Variants in EML4 observed in about 807,000 individuals in gnomAD.
EML4 encodes the protein echinoderm microtubule-associated protein-like 4.
EML4 carries 72 observed loss-of-function variants against 129.0 expected under a neutral mutation model. The ratio of observed to expected loss-of-function variants is 0.56; its 90% CI spans 0.46 to 0.68. The LOEUF (loss-of-function observed/expected upper bound fraction) is 0.68. Among genes scored for constraint, EML4 ranks in the 30% least tolerant of loss-of-function variants. EML4 has a pLI of 0.00. For synonymous variants in EML4, 532 were observed against 405.0 expected, an observed-to-expected ratio of 1.31 and a Z score of -3.77; for missense variants, 1,363 against 1,190.6, an observed-to-expected ratio of 1.14 and a Z score of -2.13.
intron 1 of EML4, among the ~76,000 whole-genome samples, chr2:42,244,387 G>A (rs974148508): frequency 2.0e-5 from 3 of 152,074 alleles, no homozygotes; most frequent in African/African-American, 7.2e-5. Flanking sequence ...ATGAGCCACC[G>A]CGCCCAGCCA....
chr2:42,176,678 A>G (rs1572828879), intron 1 of EML4, among the ~76,000 whole-genome samples: 1 of 152,244 alleles, frequency 6.6e-6, no homozygotes, highest in East Asian at 1.9e-4. Context: ...TGATAGGACC[A>G]CTCTTGGGGT....
chr2:42,191,670 AT>A (rs1256314467), intron 1 of EML4, among the ~76,000 whole-genome samples: 1 of 152,168 alleles, frequency 6.6e-6, no homozygotes, highest in Non-Finnish European at 1.5e-5. Flanking sequence ...AAATTATTTA[AT>A]TTTATGCTCT....
intron 2 of EML4, among the ~76,000 whole-genome samples, chr2:42,254,319 C>T (rs1226553408): frequency 2.6e-5 from 4 of 151,750 alleles, no homozygotes; most frequent in South Asian, 2.1e-4. Context: ...TAGCCAGGCA[C>T]GGTGGTGTGC....
intron 6 of EML4, among the ~76,000 whole-genome samples, chr2:42,278,937 A>C (rs971899284): frequency 4.5e-5 from 1 of 22,134 alleles, no homozygotes; most frequent in Non-Finnish European, 8.4e-5. Context: ...ACTCTCTTGG[A>C]AAAAAAAAAA....
In EML4 at chr2:42,284,716, G is replaced by GTACTTC. The variant is rs749282525; in HGVS notation, c.1011+14_1011+15insACTTCT. On this transcript the variant is annotated intron_variant, in intron 9 of 22. Coordinates refer to ENST00000318522, the MANE Select transcript of EML4 (RefSeq NM_019063.5). ...TAAAGATGGAAGGGTGAGTGGCATAGTGTTATGCCTTCTGTACCTAGAGAC... is the reference window on the plus strand; with the variant it reads ...TAAAGATGGAAGGGTGAGTGGCATAGTACTTCTGTTATGCCTTCTGTACCTAGAGAC... 131 of 1,595,346 alleles carry GTACTTC rather than the reference G, an allele frequency of 8.2e-5. 1 individual carries two copies. In the South Asian group the frequency reaches 1.4e-3, roughly 17 times the overall value.
At chr2:42,310,331 C>T (rs72798529) in intron 17 of EML4, among the ~76,000 whole-genome samples, 19,003 of 151,010 alleles carry the variant, frequency 0.13, 1,202 homozygotes, top group East Asian at 0.18. Context: ...TTCCCTTCCC[C>T]TTCTCCTTCC....
chr2:42,235,898 A>G (rs991608215), intron 1 of EML4, among the ~76,000 whole-genome samples: 2 of 152,190 alleles, frequency 1.3e-5, no homozygotes, highest in African/African-American at 4.8e-5. Context: ...ATTGTTCTCC[A>G]AAGAATAAAG....
At chr2:42,301,901 T>G (rs1668306737) in intron 14 of EML4, among the ~76,000 whole-genome samples, 1 of 152,154 alleles carries the variant, frequency 6.6e-6, no homozygotes, top group Admixed American at 6.5e-5. Context: ...TCATATCCTT[T>G]GTTAATAAAA....
intron 3 of EML4, among the ~76,000 whole-genome samples, chr2:42,258,478 G>A (rs566090201): frequency 9.9e-5 from 15 of 151,986 alleles, no homozygotes; most frequent in Non-Finnish European, 1.5e-4. Context: ...TCGGCTCACC[G>A]CAACCTGCAC....
intron 19 of EML4, among the ~76,000 whole-genome samples, chr2:42,323,056 C>T (rs1669602601): frequency 6.6e-6 from 1 of 152,252 alleles, no homozygotes; most frequent in Admixed American, 6.5e-5. Flanking sequence ...TGTATATATA[C>T]AATGCTTTTG....
chr2:42,179,319 A>G (rs988967803), intron 1 of EML4, among the ~76,000 whole-genome samples: 2 of 151,542 alleles, frequency 1.3e-5, no homozygotes, highest in Admixed American at 6.6e-5. Context: ...ATTCCAGACT[A>G]AAGAAGACTT....
At chr2:42,225,110 A>G (rs2104142983) in intron 1 of EML4, among the ~76,000 whole-genome samples, 1 of 152,258 alleles carries the variant, frequency 6.6e-6, no homozygotes, top group East Asian at 1.9e-4. Context: ...AGGCTGAATA[A>G]TATTCCATTT....
chr2:42,319,202 C>T (rs115822080), intron 19 of EML4, among the ~76,000 whole-genome samples: 96 of 152,282 alleles, frequency 6.3e-4, no homozygotes, highest in African/African-American at 2.2e-3. Flanking sequence ...CACAATTCTA[C>T]TAACTCTTAG....
At chr2:42,302,794 A>G (rs1023947251) in intron 14 of EML4, among the ~76,000 whole-genome samples, 1 of 152,122 alleles carries the variant, frequency 6.6e-6, no homozygotes, top group Non-Finnish European at 1.5e-5. Context: ...TTGGCCTCCA[A>G]ATGTGCTGGG....
intron 17 of EML4, among the ~76,000 whole-genome samples, chr2:42,306,734 C>T (rs915485800): frequency 1.3e-5 from 2 of 151,224 alleles, no homozygotes; most frequent in South Asian, 2.1e-4. Context: ...AATCTGACCT[C>T]GTGATCCTCC....
chr2:42,327,373 G>A (rs1393731660), intron 21 of EML4, among the ~76,000 whole-genome samples: 2 of 152,178 alleles, frequency 1.3e-5, no homozygotes, highest in East Asian at 1.9e-4. Flanking sequence ...GAGTAGAATT[G>A]CTGAGTCAAA....
intron 1 of EML4, among the ~76,000 whole-genome samples, chr2:42,231,323 C>T (rs1223624366): frequency 2.0e-5 from 3 of 152,210 alleles, no homozygotes; most frequent in African/African-American, 7.2e-5. Context: ...TCCTTTCTCA[C>T]TCCAAGTCAT....
intron 1 of EML4, among the ~76,000 whole-genome samples, chr2:42,220,518 C>T (rs888468142): frequency 6.6e-6 from 1 of 152,148 alleles, no homozygotes; most frequent in Non-Finnish European, 1.5e-5. Flanking sequence ...GACTGCTCCA[C>T]ACACTGGCTG....
chr2:42,317,667 T>C (rs1403581028), intron 19 of EML4, 143 bp downstream of exon 19: 28 of 598,948 alleles, frequency 4.7e-5, no homozygotes, highest in Non-Finnish European at 7.6e-5. Context: ...TGGTAATACA[T>C]GATAGCAGAA....
Sources: gnomAD v4.1 joint callset for allele counts (sites outside exome capture counted in the v4.1 genomes callset) on GRCh38, gnomAD v4.1.1 for gene constraint, MANE v1.5 for transcripts, NCBI Gene and HGNC (gene_info 2026-07-23, HGNC 2026-07-21) for gene names.